The following RP9 variants were observed in gnomAD, a reference collection of about 807,000 sequenced individuals.
RP9 encodes the protein RP9 pre-mRNA splicing factor, also known as retinitis pigmentosa 9 protein.
In RP9, 23 loss-of-function variants were observed where a neutral mutation model predicts 32.6. The observed-to-expected ratio is 0.71, with a 90% CI of 0.51 to 1.00. The LOEUF is 1.00. RP9 is among the 50% of genes least tolerant of loss of function. The pLI is 0.00. For synonymous variants in RP9, 94 were observed against 103.6 expected (o/e 0.91, Z 0.56); for missense variants, 245 against 285.3 (o/e 0.86, Z 1.02).
chr7:33,107,872 G>A (rs1316437161), intron 1 of RP9, among the ~76,000 whole-genome samples: 1 of 152,134 alleles, frequency 6.6e-6, no homozygotes, highest in Non-Finnish European at 1.5e-5. Flanking sequence ...CACCTGGTGG[G>A]ATAACATTTA....
chr7:33,099,733 T>C (rs62449320), intron 2 of RP9, among the ~76,000 whole-genome samples: 1 of 150,862 alleles, frequency 6.6e-6, no homozygotes, highest in African/African-American at 2.4e-5. Flanking sequence ...GATTCTGAGA[T>C]TAAAAAAAAA....
At chr7:33,098,500 AG>A (rs1562619582) in intron 3 of RP9, among the ~76,000 whole-genome samples, 1 of 152,194 alleles carries the variant, frequency 6.6e-6, no homozygotes, top group African/African-American at 2.4e-5. Context: ...ATAGCCACAA[AG>A]GGTCACACGA....
At chr7:33,099,461 A>G in intron 2 of RP9, 25 bp from the exon 3 acceptor site, 1 of 1,613,728 alleles carries the variant, frequency 6.2e-7, no homozygotes, top group East Asian at 2.2e-5. Flanking sequence ...AGGTATAAAC[A>G]GCATGGCAAG....
intron 2 of RP9, 43 bp from the exon 3 acceptor site, chr7:33,099,479 G>T: frequency 6.2e-7 from 1 of 1,612,884 alleles, no homozygotes; most frequent in Non-Finnish European, 8.5e-7. Context: ...AAGAGCGCTG[G>T]GATTCTCTCC....
rs1423500223 is a variant in RP9 at position 33,109,373 on chromosome 7, G to A, written c.-1C>T. On this transcript the variant is annotated 5_prime_UTR_variant, in exon 1 of 6. Transcript: ENST00000297157. This position sits in a 1 kb window ranked among gnomAD's most constrained non-coding sequence, Gnocchi z 4.9. The stretch of plus-strand genomic sequence containing the variant: ...CCTCGCGCCCAGGCCGGGACGACAT[G>A]TCAGCCCCCGCAGCGCCGCTCGGGC... 6 of 1,386,058 alleles carry A rather than the reference G, an allele frequency of 4.3e-6. No individual in the cohort carries two copies. Among genetic ancestry groups the A allele is most frequent in the Non-Finnish European group, 5.6e-6 (6 of 1,068,578 alleles). The allele number at this position is 1,386,058 out of a possible 1,614,324, so 85.9% of individuals were successfully genotyped here. A position where few individuals can be genotyped will look rare whatever the true frequency, so the allele number is the denominator to read the frequency against.
At chr7:33,106,886 G>C (rs1278259752) in intron 1 of RP9, among the ~76,000 whole-genome samples, 1 of 151,926 alleles carries the variant, frequency 6.6e-6, no homozygotes, top group South Asian at 2.1e-4. Context: ...GGAGGCTGCA[G>C]TGAGCCAAGA....
intron 1 of RP9, among the ~76,000 whole-genome samples, chr7:33,108,670 T>C (rs1788536142): frequency 6.6e-6 from 1 of 152,180 alleles, no homozygotes; most frequent in Non-Finnish European, 1.5e-5. Context: ...TTATTCACCA[T>C]ACATTTCCCC....
intron 5 of RP9, among the ~76,000 whole-genome samples, chr7:33,095,972 A>G (rs539805344): frequency 2.3e-4 from 35 of 152,220 alleles, no homozygotes; most frequent in African/African-American, 8.4e-4. Context: ...GGCTGGAACT[A>G]CAGGTGCGTG....
Position 33,096,501 on chromosome 7 carries a change from C to T in RP9, c.459G>A (p.Lys153=), listed in dbSNP as rs145025032. ...CATCAGGACGACCTCACCTTACGTCCTTTTCATGTCGTTTATTGTCTCGTA... is the reference window on the plus strand; with the variant it reads ...CATCAGGACGACCTCACCTTACGTCTTTTTCATGTCGTTTATTGTCTCGTA... ...DIIRDNKRHE[K]DVRIQQLKQL... The change falls in exon 5 of 6, where the codon AAG becomes AAA. Residue 153 remains lysine, a synonymous_variant. Coordinates refer to ENST00000297157, the MANE Select transcript of RP9 (RefSeq NM_203288.2). 992 of 1,611,342 alleles carry T rather than the reference C, an allele frequency of 6.2e-4. 6 individuals carry two copies. The African/African-American group carries it at 0.012, about 19-fold the overall frequency.
intron 1 of RP9, among the ~76,000 whole-genome samples, chr7:33,102,101 A>G (rs1788434074): frequency 6.6e-6 from 1 of 152,216 alleles, no homozygotes; most frequent in Admixed American, 6.5e-5. Context: ...GCACATTTGG[A>G]AATATAATAT....
At position 33,097,632 on chromosome 7, in the gene RP9, T is replaced by G. The variant is rs74300399; in HGVS notation, c.314-270A>C. Among the ~76,000 whole-genome samples, 602 of 152,292 alleles carry G rather than the reference T, an allele frequency of 4.0e-3. 9 individuals are homozygous for G. The highest frequency in any genetic ancestry group is 0.022 in the East Asian group (115 of 5,170). On this transcript the variant is annotated intron_variant, in intron 3 of 5. Transcript: ENST00000297157. The stretch of plus-strand genomic sequence containing the variant: ...GAATTACTTCAAAAGGTGAATTTTT[T>G]TTTTTGAGATGGAGTCCTGCTCTGT...
intron 5 of RP9, 119 bp from the exon 6 acceptor site, chr7:33,095,551 A>G: frequency 6.6e-7 from 1 of 1,507,972 alleles, no homozygotes; most frequent in Non-Finnish European, 8.9e-7. Flanking sequence ...TCACAAAGAC[A>G]GTATTTTTAT....
chr7:33,098,194 T>C (rs1237469255), intron 3 of RP9, among the ~76,000 whole-genome samples: 1 of 151,974 alleles, frequency 6.6e-6, no homozygotes, highest in African/African-American at 2.4e-5. Context: ...GAGACTAGCT[T>C]AGGCAACATG....
intron 5 of RP9, 42 bp downstream of exon 5, chr7:33,096,451 T>A (rs771323940): frequency 1.4e-6 from 2 of 1,433,294 alleles, no homozygotes; most frequent in East Asian, 4.5e-5. Context: ...TATATAATTT[T>A]AAAACTTTAA....
intron 1 of RP9, among the ~76,000 whole-genome samples, chr7:33,102,990 T>C (rs559093701): frequency 1.1e-4 from 16 of 152,350 alleles, no homozygotes; most frequent in African/African-American, 3.4e-4. Flanking sequence ...AAAAGAGCAC[T>C]GTGGGGCTTC....
chr7:33,098,330 G>A (rs900122590), intron 3 of RP9, among the ~76,000 whole-genome samples: 4 of 152,200 alleles, frequency 2.6e-5, no homozygotes, highest in Non-Finnish European at 5.9e-5. Context: ...GCTGCAGTAA[G>A]TTGTGATCAC....
intron 2 of RP9, among the ~76,000 whole-genome samples, chr7:33,099,849 C>T (rs1788400113): frequency 6.6e-6 from 1 of 152,150 alleles, no homozygotes; most frequent in Non-Finnish European, 1.5e-5. Flanking sequence ...AAGGCCCTGT[C>T]ATGTTTTACA....
intron 3 of RP9, among the ~76,000 whole-genome samples, chr7:33,098,685 A>G (rs1253364296): frequency 6.6e-6 from 1 of 152,248 alleles, no homozygotes; most frequent in Non-Finnish European, 1.5e-5. Context: ...CTTTTAACAA[A>G]TAATCAAGGC....
chr7:33,100,129 C>T (rs1224070414), intron 2 of RP9: 2 of 266,268 alleles, frequency 7.5e-6, no homozygotes, highest in East Asian at 9.6e-5. Flanking sequence ...TACCAGGGAG[C>T]GGGACTGGAT....
Sources: allele counts gnomAD v4.1 joint callset (sites outside exome capture counted in the v4.1 genomes callset), GRCh38; gene constraint gnomAD v4.1.1; non-coding constraint Gnocchi (gnomAD v3.1); transcripts MANE v1.5; gene names NCBI Gene and HGNC (gene_info 2026-07-23, HGNC 2026-07-21).